CFAP92: variants seen among roughly 807,000 people sequenced by gnomAD.
CFAP92 encodes uncharacterized protein CFAP92.
Under a neutral mutation model 106.3 loss-of-function variants are expected in CFAP92, and 86 were observed. The ratio of observed to expected loss-of-function variants is 0.81; its 90% CI spans 0.68 to 0.97. The LOEUF (loss-of-function observed/expected upper bound fraction) is 0.97, where lower values mean the gene tolerates loss of function less well. Ranked by LOEUF, CFAP92 falls within the 50% of genes least tolerant of loss-of-function variation. The pLI is 0.00. For missense variants in CFAP92, 1,204 were observed against 1,283.8 expected, an observed-to-expected ratio of 0.94 and a Z score of 0.95; for synonymous variants, 477 against 506.4, an observed-to-expected ratio of 0.94 and a Z score of 0.78.
intron 10 of CFAP92, among the ~76,000 whole-genome samples, chr3:128,936,377 A>T (rs959397826): frequency 6.6e-6 from 1 of 152,208 alleles, no homozygotes; most frequent in Admixed American, 6.5e-5. Context: ...TAGGATACTA[A>T]TTATTGGTCA....
chr3:128,995,665 C>T (rs533065249), upstream of CFAP92, among the ~76,000 whole-genome samples: 49 of 152,196 alleles, frequency 3.2e-4, no homozygotes, highest in Non-Finnish European at 6.2e-4. Context: ...CCACCTAGGA[C>T]AGAAGCCAAT....
At chr3:129,025,474 T>A in the CFAP92 span, among the ~76,000 whole-genome samples, 1 of 152,174 alleles carries the variant, frequency 6.6e-6, no homozygotes, top group African/African-American at 2.4e-5. Context: ...GGCAGCCCAG[T>A]GCCGTGGGTG....
At chr3:128,971,200 C>A (rs752517473) in intron 8 of CFAP92, 87 bp downstream of exon 8, 10 of 1,599,410 alleles carry the variant, frequency 6.3e-6, no homozygotes, top group Non-Finnish European at 8.5e-6. Context: ...TGGCACGCAG[C>A]AGGGTTGTCA....
intron 11 of CFAP92, among the ~76,000 whole-genome samples, chr3:128,934,283 A>T (rs1938741564): frequency 6.6e-6 from 1 of 151,728 alleles, no homozygotes; most frequent in Non-Finnish European, 1.5e-5. Flanking sequence ...GCAATGACGC[A>T]ATCTCGGCTC....
chr3:128,990,483 A>G (rs9880640), intron 2 of CFAP92, among the ~76,000 whole-genome samples: 102,903 of 152,074 alleles, frequency 0.68, 36,464 homozygotes, highest in African/African-American at 0.91. Context: ...GGTGACAGAG[A>G]GAGACTCTGT....
At chr3:128,997,677 A>G (rs1465754897), upstream of CFAP92, among the ~76,000 whole-genome samples, 1 of 152,204 alleles carries the variant, frequency 6.6e-6, no homozygotes, top group Non-Finnish European at 1.5e-5. Flanking sequence ...ATTCTATTGT[A>G]TGGACAGACC....
Position 128,933,420 on chromosome 3 carries a change from T to C in CFAP92, c.2454-423A>G, listed in dbSNP as rs558304383. ...GAGAAGGAGGAGGCTGGAGAGAGAG[T>C]CCTCAGCAAAGCTCAAGGACCTCCC... is the stretch of plus-strand genomic sequence containing the variant. On this transcript the variant is annotated intron_variant, in intron 11 of 15. Coordinates refer to ENST00000645291, the MANE Select transcript of CFAP92 (RefSeq NM_001394090.1). 6.6e-5 allele frequency among the ~76,000 whole-genome samples: 10 copies of C among 150,872 alleles called. No individual in the cohort carries two copies. The East Asian group carries it at 2.0e-3, about 30-fold the overall frequency.
chr3:129,018,436 C>T, the CFAP92 span, among the ~76,000 whole-genome samples: 3 of 152,290 alleles, frequency 2.0e-5, no homozygotes, highest in South Asian at 6.2e-4. Flanking sequence ...ATTTTAGTGT[C>T]GATGAATAAA....
At chr3:128,958,746 C>T (rs190830552) in intron 9 of CFAP92, among the ~76,000 whole-genome samples, 42 of 152,064 alleles carry the variant, frequency 2.8e-4, no homozygotes, top group Admixed American at 1.0e-3. Flanking sequence ...ACAAAAAATA[C>T]AAAAACTAGC....
In CFAP92 at chr3:128,910,102, C is replaced by A. The variant is rs1442688871; in HGVS notation, c.*197G>T. 1 of 1,613,598 alleles carries A rather than the reference C, an allele frequency of 6.2e-7. No homozygotes were observed. Among genetic ancestry groups the A allele is most frequent in the Non-Finnish European group, 8.5e-7 (1 of 1,179,992 alleles). On this transcript the variant is annotated 3_prime_UTR_variant, in exon 16 of 16. Coordinates refer to ENST00000645291, the MANE Select transcript of CFAP92 (RefSeq NM_001394090.1). ...GTATGGCATGACGGCCGTGCTGTCG[C>A]GGGCCAGCCGCTCCATCCGCATTGG...
intron 8 of CFAP92, chr3:128,970,519 A>AGG (rs1000759824): frequency 6.6e-6 from 1 of 151,918 alleles, no homozygotes; most frequent in Non-Finnish European, 1.5e-5. Flanking sequence ...AGAAAAAAAA[A>AGG]GGGGGGGAGT....
intron 1 of CFAP92, chr3:129,001,534 G>C: frequency 7.5e-7 from 1 of 1,340,104 alleles, no homozygotes; most frequent in Non-Finnish European, 9.5e-7. Context: ...CGACCGCTAA[G>C]CCCCTCCTTT....
upstream of CFAP92, chr3:128,994,111 G>A: frequency 1.0e-6 from 1 of 985,792 alleles, no homozygotes; most frequent in Non-Finnish European, 1.2e-6. Flanking sequence ...GAGGGCCGCA[G>A]GCCCAGCCAC....
At chr3:129,014,083 A>G in the CFAP92 span, among the ~76,000 whole-genome samples, 1 of 152,218 alleles carries the variant, frequency 6.6e-6, no homozygotes, top group African/African-American at 2.4e-5. The surrounding 1 kb of genome is among the most constrained non-coding windows in gnomAD (Gnocchi z 4.3). Flanking sequence ...TTGCCTCTTC[A>G]TGATTTTCTG....
At chr3:128,978,253 T>C in intron 4 of CFAP92, 68 bp from the exon 5 acceptor site, 6 of 1,552,408 alleles carry the variant, frequency 3.9e-6, no homozygotes, top group Admixed American at 3.7e-5. Flanking sequence ...TTAACTACTA[T>C]GGGCATTTCT....
intron 2 of CFAP92, 95 bp downstream of exon 2, chr3:128,992,948 G>A (rs1354387551): frequency 1.4e-6 from 2 of 1,442,474 alleles, no homozygotes; most frequent in African/African-American, 1.4e-5. Context: ...GGGGCAGGTG[G>A]AGAGAGGATG....
chr3:129,002,088 G>A (rs1450297290), intron 1 of CFAP92: 4 of 1,522,766 alleles, frequency 2.6e-6, no homozygotes, highest in African/African-American at 1.4e-5. Flanking sequence ...TGGCTACTTC[G>A]GCACCCGTGC....
the CFAP92 span, among the ~76,000 whole-genome samples, chr3:129,026,316 TC>T: frequency 6.6e-6 from 1 of 151,948 alleles, no homozygotes; most frequent in African/African-American, 2.4e-5. Context: ...AAGCTGTCCC[TC>T]CATCTCATTT....
At chr3:128,973,109 C>T (rs1453268965) in intron 7 of CFAP92, among the ~76,000 whole-genome samples, 3 of 152,210 alleles carry the variant, frequency 2.0e-5, no homozygotes, top group Non-Finnish European at 4.4e-5. Context: ...ATACCCCTGT[C>T]TGTGAGGATT....
Sources: gnomAD v4.1 joint callset for allele counts (sites outside exome capture counted in the v4.1 genomes callset) on GRCh38, gnomAD v4.1.1 for gene constraint, Gnocchi (gnomAD v3.1) non-coding constraint, MANE v1.5 for transcripts, NCBI Gene and HGNC (gene_info 2026-07-23, HGNC 2026-07-21) for gene names.